Variants in SOX6 observed in about 807,000 individuals in gnomAD.
SOX6 encodes the protein SRY-box transcription factor 6, also known as transcription factor SOX-6.
In SOX6, 11 loss-of-function variants were observed where a neutral mutation model predicts 97.8. The ratio of observed to expected loss-of-function variants is 0.11; its 90% confidence interval spans 0.07 to 0.19. The LOEUF (loss-of-function observed/expected upper bound fraction) is 0.19, where lower values mean the gene tolerates loss of function less well. Among genes scored for constraint, SOX6 ranks in the 10% least tolerant of loss-of-function variants. SOX6 has a pLI of 1.00. For missense variants in SOX6, 810 were observed against 1,039.5 expected, an observed-to-expected ratio of 0.78 and a Z score of 3.04; for synonymous variants, 360 against 371.4, an observed-to-expected ratio of 0.97 and a Z score of 0.35.
intron 3 of SOX6, among the ~76,000 whole-genome samples, chr11:16,672,343 C>A (rs1236122331): frequency 6.6e-6 from 1 of 152,174 alleles, no homozygotes; most frequent in Admixed American, 6.5e-5. Flanking sequence ...ATTTAAAAGG[C>A]CCAGAGTGGA....
At chr11:16,029,567 C>T (rs74743414) in intron 12 of SOX6, among the ~76,000 whole-genome samples, 1 of 150,996 alleles carries the variant, frequency 6.6e-6, no homozygotes, top group Non-Finnish European at 1.5e-5. Flanking sequence ...ACCTGGAAGG[C>T]GGAGGTTGCA....
chr11:16,325,694 A>C (rs915369143), intron 2 of SOX6, among the ~76,000 whole-genome samples: 21 of 152,164 alleles, frequency 1.4e-4, no homozygotes, highest in African/African-American at 4.8e-4. Context: ...AATTATTAAA[A>C]AATTAATCTT....
At chr11:16,330,054 GA>G (rs1856238211) in intron 2 of SOX6, among the ~76,000 whole-genome samples, 2 of 152,178 alleles carry the variant, frequency 1.3e-5, no homozygotes, top group South Asian at 4.2e-4. Context: ...ATTCTTCTCT[GA>G]GTGTGTTCCA....
intron 13 of SOX6, among the ~76,000 whole-genome samples, chr11:16,002,423 A>C (rs956154619): frequency 2.6e-5 from 4 of 152,158 alleles, no homozygotes; most frequent in African/African-American, 9.7e-5. Flanking sequence ...AGTTATATTT[A>C]CTTTACACAG....
chr11:16,657,965 T>C (rs187880930), intron 3 of SOX6, among the ~76,000 whole-genome samples: 1 of 152,378 alleles, frequency 6.6e-6, no homozygotes, highest in Non-Finnish European at 1.5e-5. Flanking sequence ...TGCTATACTA[T>C]ATTCCATTAT....
chr11:16,516,232 G>T (rs955307857), intron 4 of SOX6, among the ~76,000 whole-genome samples: 1 of 151,578 alleles, frequency 6.6e-6, no homozygotes, highest in African/African-American at 2.4e-5. Context: ...ATTGAGCAGT[G>T]GTTTGTAGTT....
At chr11:16,328,491 C>T (rs1856175096) in intron 2 of SOX6, among the ~76,000 whole-genome samples, 1 of 152,202 alleles carries the variant, frequency 6.6e-6, no homozygotes, top group Non-Finnish European at 1.5e-5. Context: ...CCACCACTAA[C>T]TATACCCCAT....
intron 3 of SOX6, among the ~76,000 whole-genome samples, chr11:16,637,566 T>C (rs1031269823): frequency 1.2e-4 from 19 of 152,178 alleles, no homozygotes; most frequent in African/African-American, 4.6e-4. Flanking sequence ...TTTCCCCAAA[T>C]AACTGCTTTA....
intron 3 of SOX6, among the ~76,000 whole-genome samples, chr11:16,298,992 G>T (rs952672267): frequency 6.6e-6 from 1 of 151,684 alleles, no homozygotes; most frequent in African/African-American, 2.4e-5. Flanking sequence ...AGAAATGGTG[G>T]GTATTAAACC....
chr11:16,195,387 A>G (rs1483585479), intron 4 of SOX6, among the ~76,000 whole-genome samples: 1 of 152,192 alleles, frequency 6.6e-6, no homozygotes, highest in African/African-American at 2.4e-5. Context: ...ATAGTTAGGG[A>G]ATTTCTAAAA....
At chr11:16,540,489 G>T (rs2133176971) in intron 4 of SOX6, among the ~76,000 whole-genome samples, 1 of 152,060 alleles carries the variant, frequency 6.6e-6, no homozygotes, top group East Asian at 1.9e-4. Context: ...GGCAGGAGAA[G>T]GAAATAAAGG....
In SOX6 at chr11:16,055,603, A is replaced by G. The variant is rs1254034001; in HGVS notation, c.1251+149T>C. ...CAAAACACCTGTTTCTCAATGCTCA[A>G]TTATGAAATTTACCATAAAGAGGGA... On this transcript the variant is annotated intron_variant, in intron 10 of 15. Coordinates refer to ENST00000683767, the MANE Select transcript of SOX6 (RefSeq NM_001367873.1). The G allele has an allele frequency of 5.9e-5, 52 of 886,298 alleles. 1 individual carries two copies. Among genetic ancestry groups the G allele is most frequent in the South Asian group, 3.6e-4 (23 of 64,646 alleles). The allele number at this position is 886,298 out of a possible 1,614,324, so 54.9% of individuals were successfully genotyped here.
At chr11:16,588,418 A>C (rs987371703) in intron 4 of SOX6, among the ~76,000 whole-genome samples, 2 of 152,184 alleles carry the variant, frequency 1.3e-5, no homozygotes, top group Non-Finnish European at 2.9e-5. Flanking sequence ...AAATATACCA[A>C]CGAGTTAGAG....
intron 3 of SOX6, among the ~76,000 whole-genome samples, chr11:16,678,799 C>T (rs1288197093): frequency 1.3e-5 from 2 of 152,200 alleles, no homozygotes; most frequent in Admixed American, 6.5e-5. Context: ...AGGAGATCCC[C>T]TCCCATGCCT....
At chr11:16,382,993 A>T (rs928777355) in intron 1 of SOX6, among the ~76,000 whole-genome samples, 4 of 151,962 alleles carry the variant, frequency 2.6e-5, no homozygotes, top group African/African-American at 9.7e-5. Context: ...ATACATTGAG[A>T]TTAAATCCTG....
intron 3 of SOX6, among the ~76,000 whole-genome samples, chr11:16,273,000 T>C (rs1323975783): frequency 6.6e-6 from 1 of 151,940 alleles, no homozygotes; most frequent in East Asian, 1.9e-4. Context: ...AAATGTTAGA[T>C]AGATGTATTA....
At chr11:15,983,359 A>C (rs893751932) in intron 15 of SOX6, among the ~76,000 whole-genome samples, 4 of 152,098 alleles carry the variant, frequency 2.6e-5, no homozygotes, top group African/African-American at 9.7e-5. Flanking sequence ...ATAATAGCTA[A>C]GTAATAAAAA....
At chr11:15,984,500 C>T (rs973622770) in intron 15 of SOX6, among the ~76,000 whole-genome samples, 2 of 152,074 alleles carry the variant, frequency 1.3e-5, no homozygotes, top group African/African-American at 2.4e-5. Context: ...GGTGTACTAA[C>T]GGGATTAAAA....
intron 13 of SOX6, among the ~76,000 whole-genome samples, chr11:16,000,045 G>C (rs1317964382): frequency 2.0e-5 from 3 of 152,126 alleles, no homozygotes; most frequent in Non-Finnish European, 4.4e-5. Context: ...TACAACAGAG[G>C]TCCAATTCAT....
Sources: allele counts gnomAD v4.1 joint callset (sites outside exome capture counted in the v4.1 genomes callset), GRCh38; gene constraint gnomAD v4.1.1; transcripts MANE v1.5; gene names NCBI Gene and HGNC (gene_info 2026-07-23, HGNC 2026-07-21).